Variants in PI15 observed in about 807,000 individuals in gnomAD.
PI15 encodes the protein peptidase inhibitor 15.
Under a neutral mutation model 31.0 loss-of-function variants are expected in PI15, and 18 were observed. The ratio of observed to expected loss-of-function variants is 0.58; its 90% CI spans 0.40 to 0.86. The LOEUF is 0.86. Among genes scored for constraint, PI15 ranks in the 40% least tolerant of loss-of-function variants. The pLI, the probability that PI15 is intolerant of heterozygous loss-of-function variation, is 0.00. For synonymous variants in PI15, 118 were observed against 119.1 expected, an observed-to-expected ratio of 0.99 and a Z score of 0.06; for missense variants, 282 against 328.1, an observed-to-expected ratio of 0.86 and a Z score of 1.09.
At chr8:74,841,130 T>C (rs1057117163) in intron 2 of PI15, among the ~76,000 whole-genome samples, 6 of 152,160 alleles carry the variant, frequency 3.9e-5, no homozygotes, top group Admixed American at 1.3e-4. Flanking sequence ...TTTTTTATTT[T>C]ATATATTTAA....
chr8:74,824,832 CTGT>C (rs1398973042), intron 1 of PI15, 157 bp downstream of exon 1: 1 of 179,190 alleles, frequency 5.6e-6, no homozygotes, highest in Non-Finnish European at 1.2e-5. Context: ...AGCACATTCT[CTGT>C]TGTTACCTGT....
rs1338087661 is a variant in PI15, at chr8:74,844,094, T to G, written c.387T>G (p.Thr129=). ...TGGGCCAAAATCTATCTGTACGCAC[T>G]GGAAGGTAGGAAGTAATTTCACTGA... ...RFLGQNLSVR[T]GRYRSILQLV... is the part of the protein sequence containing the mutation. Residue 129 remains threonine, a synonymous_variant, in exon 3 of 6, where the codon ACT becomes ACG. Transcript: ENST00000260113. The G allele has an allele frequency of 2.2e-6, 3 of 1,368,534 alleles. No homozygotes were observed. The highest frequency in any genetic ancestry group is 3.1e-6 in the Non-Finnish European group (3 of 955,564). The allele number at this position is 1,368,534 out of a possible 1,614,324, so 84.8% of individuals were successfully genotyped here.
rs565331403 is a variant in PI15, at chr8:74,832,306, G to A, written c.273+6784G>A. Among the ~76,000 whole-genome samples, 19 of 152,202 alleles carry A rather than the reference G, an allele frequency of 1.2e-4. No individual in the cohort carries two copies. In the South Asian group the frequency reaches 3.9e-3, roughly 32 times the overall value. On this transcript the variant is annotated intron_variant, in intron 2 of 5. Transcript: ENST00000260113. ...TTCTGGAAGCCATTAGTGGCTGCAG[G>A]TTTATCACCCAGGACACGCACCTCT...
At chr8:74,835,148 C>CA (rs1230213264) in intron 2 of PI15, among the ~76,000 whole-genome samples, 12 of 152,194 alleles carry the variant, frequency 7.9e-5, no homozygotes, top group Admixed American at 7.8e-4. Flanking sequence ...AATTGAGCTC[C>CA]AGATATTCAC....
At chr8:74,847,173 C>A (rs578005269) in intron 5 of PI15, among the ~76,000 whole-genome samples, 1 of 152,068 alleles carries the variant, frequency 6.6e-6, no homozygotes, top group Non-Finnish European at 1.5e-5. Flanking sequence ...GGGCCAGGTG[C>A]GATGGCTCAC....
At chr8:74,841,388 A>C (rs1401933571) in intron 2 of PI15, among the ~76,000 whole-genome samples, 1 of 152,154 alleles carries the variant, frequency 6.6e-6, no homozygotes, top group Non-Finnish European at 1.5e-5. Context: ...GCCCTCATTC[A>C]ATCTCATTTT....
chr8:74,833,013 A>G (rs539362313), intron 2 of PI15, among the ~76,000 whole-genome samples: 4 of 152,230 alleles, frequency 2.6e-5, no homozygotes, highest in Admixed American at 6.5e-5. Flanking sequence ...CATTCCAGAG[A>G]GATCATGTTT....
chr8:74,826,061 T>C (rs957440525), intron 2 of PI15, among the ~76,000 whole-genome samples: 3 of 152,136 alleles, frequency 2.0e-5, no homozygotes, highest in Non-Finnish European at 2.9e-5. Flanking sequence ...GCTGACTTTT[T>C]TCTCCTTGTG....
chr8:74,826,454 A>C (rs1368552861), intron 2 of PI15: 1 of 177,804 alleles, frequency 5.6e-6, no homozygotes, highest in Non-Finnish European at 1.1e-5. Flanking sequence ...TATGTAAATA[A>C]GTTATATTAA....
rs903267948 is a variant in PI15, at chr8:74,849,208, G to C, written c.732G>C (p.Leu244=). 8.1e-6 allele frequency: 13 copies of C among 1,612,512 alleles called. No homozygotes were observed. Among genetic ancestry groups the C allele is most frequent in the Non-Finnish European group, 1.1e-5 (13 of 1,178,956 alleles). ...ATGGGGGATCTTGTACTGACAATCTGTGTTTTCCAGGAGTTACGTCAAACT... is the reference window on the plus strand; with the variant it reads ...ATGGGGGATCTTGTACTGACAATCTCTGTTTTCCAGGAGTTACGTCAAACT... ...PSYGGSCTDN[L]CFPGVTSNYL... Residue 244 remains leucine (L), a synonymous_variant, in exon 6 of 6, where the codon CTG becomes CTC. Coordinates refer to ENST00000260113, the MANE Select transcript of PI15 (RefSeq NM_015886.5).
At chr8:74,848,138 A>G (rs997833916) in intron 5 of PI15, among the ~76,000 whole-genome samples, 48 of 152,214 alleles carry the variant, frequency 3.2e-4, no homozygotes, top group Non-Finnish European at 5.6e-4. Context: ...AAATATTGAC[A>G]ACACAAAGTA....
At chr8:74,825,147 A>G (rs1304384968) in intron 1 of PI15, 63 bp from the exon 2 acceptor site, 1,202 of 632,560 alleles carry the variant, frequency 1.9e-3, no homozygotes, top group Non-Finnish European at 2.9e-3. Flanking sequence ...ATGTCTTTGT[A>G]AATTCATACC....
At chr8:74,836,540 T>C (rs1486486382) in intron 2 of PI15, among the ~76,000 whole-genome samples, 2 of 151,848 alleles carry the variant, frequency 1.3e-5, no homozygotes, top group African/African-American at 4.8e-5. Context: ...GCAGTGAATA[T>C]AAATGAAACA....
intron 3 of PI15, chr8:74,844,910 T>C (rs2128765945): frequency 1.9e-6 from 1 of 533,244 alleles, no homozygotes; most frequent in African/African-American, 1.9e-5. Context: ...TTTAGACAAA[T>C]ACAGAATCAC....
intron 3 of PI15, chr8:74,844,746 A>T (rs908858299): frequency 2.2e-5 from 4 of 180,512 alleles, no homozygotes; most frequent in South Asian, 1.4e-4. Context: ...AGTGAAAAAA[A>T]TGCACTGGGT....
At position 74,825,655 on chromosome 8, in the gene PI15, G is replaced by A. The variant is rs865867793; in HGVS notation, c.273+133G>A. On this transcript the variant is annotated intron_variant, in intron 2 of 5. Transcript: ENST00000260113. ...GACTTTTTACATATTTTAACCTAAG[G>A]TTCTTATGTGCCTAATAATGTTGAG... is the stretch of plus-strand genomic sequence containing the variant. 7.5e-5 allele frequency: 52 copies of A among 689,040 alleles called. No homozygotes were observed. In the Middle Eastern group the frequency reaches 1.2e-3, roughly 16 times the overall value. The allele number at this position is 689,040 out of a possible 1,614,324, so 42.7% of individuals were successfully genotyped here.
At chr8:74,825,149 A>C in intron 1 of PI15, 61 bp from the exon 2 acceptor site, 53 of 640,946 alleles carry the variant, frequency 8.3e-5, no homozygotes, top group Non-Finnish European at 9.8e-5. Flanking sequence ...GTCTTTGTAA[A>C]TTCATACCCT....
intron 2 of PI15, among the ~76,000 whole-genome samples, chr8:74,827,911 T>C (rs1348472120): frequency 6.6e-6 from 1 of 152,150 alleles, no homozygotes; most frequent in Admixed American, 6.6e-5. Flanking sequence ...GTAAAAGTAA[T>C]GAGAACAGTA....
intron 2 of PI15, among the ~76,000 whole-genome samples, chr8:74,831,099 C>T (rs1489833357): frequency 7.2e-5 from 11 of 152,120 alleles, no homozygotes; most frequent in African/African-American, 9.7e-5. Flanking sequence ...CCTTTTGTTC[C>T]GCTCTCCCCA....
Sources: gnomAD v4.1 joint callset for allele counts (sites outside exome capture counted in the v4.1 genomes callset) on GRCh38, gnomAD v4.1.1 for gene constraint, MANE v1.5 for transcripts, NCBI Gene and HGNC (gene_info 2026-07-23, HGNC 2026-07-21) for gene names.